GPC4: variants seen among roughly 807,000 people sequenced by gnomAD.
The protein encoded by GPC4 is glypican 4, also known as glypican-4.
GPC4 carries 10 observed loss-of-function variants against 35.0 expected under a neutral mutation model. The ratio of observed to expected loss-of-function variants is 0.29; its 90% CI spans 0.18 to 0.48. The LOEUF (loss-of-function observed/expected upper bound fraction) is 0.48, where lower values mean the gene tolerates loss of function less well. Among genes scored for constraint, GPC4 ranks in the 20% least tolerant of loss-of-function variants. GPC4 has a pLI of 0.99. For synonymous variants in GPC4, 167 were observed against 170.2 expected (o/e 0.98, Z 0.15); for missense variants, 322 against 451.3 (o/e 0.71, Z 2.60).
intron 1 of GPC4, among the ~76,000 whole-genome samples, chrX:133,392,576 G>A (rs1263218190): frequency 9.4e-6 from 1 of 106,192 alleles, no homozygotes; most frequent in East Asian, 2.9e-4. Flanking sequence ...AGCCTTTTAA[G>A]GTAAAGAAAG....
intron 3 of GPC4, 138 bp from the exon 4 acceptor site, chrX:133,311,561 C>A: frequency 1.7e-6 from 1 of 584,841 alleles, no homozygotes; most frequent in East Asian, 3.5e-5. Context: ...TAAGCCTGGA[C>A]TGCCTCCTGA....
intron 1 of GPC4, among the ~76,000 whole-genome samples, chrX:133,369,302 T>C (rs1267510575): frequency 1.8e-5 from 2 of 111,541 alleles, no homozygotes; most frequent in East Asian, 2.8e-4. Context: ...TGTGGGGCTT[T>C]TGACCCTAGT....
chrX:133,399,194 A>G lies in GPC4; in HGVS notation c.160+15612T>C, dbSNP rs144960183. ...AAATGACAGTATTTCTGTGGTCTCTATGAAAATGAGAGCGGACTCAGACCT... is the reference window on the plus strand; with the variant it reads ...AAATGACAGTATTTCTGTGGTCTCTGTGAAAATGAGAGCGGACTCAGACCT... On this transcript the variant is annotated intron_variant, in intron 1 of 8. Coordinates refer to ENST00000370828, the MANE Select transcript of GPC4 (RefSeq NM_001448.3). Among the ~76,000 whole-genome samples, 611 of 112,340 alleles carry G rather than the reference A, an allele frequency of 5.4e-3. 4 individuals are homozygous for G. The highest frequency in any genetic ancestry group is 0.019 in the African/African-American group (580 of 30,951).
intron 1 of GPC4, among the ~76,000 whole-genome samples, chrX:133,341,789 C>A (rs1175423471): frequency 9.0e-6 from 1 of 110,748 alleles, no homozygotes; most frequent in Admixed American, 9.7e-5. Context: ...TAGATGTTGA[C>A]AGGTTTAAAC....
At chrX:133,308,664 C>T (rs1343281575) in intron 4 of GPC4, among the ~76,000 whole-genome samples, 3 of 111,157 alleles carry the variant, frequency 2.7e-5, no homozygotes, top group Non-Finnish European at 3.8e-5. Flanking sequence ...AACAAGAAGA[C>T]GGATTTGGAA....
intron 3 of GPC4, among the ~76,000 whole-genome samples, chrX:133,321,205 G>A (rs2068363261): frequency 8.9e-6 from 1 of 112,118 alleles, no homozygotes; most frequent in African/African-American, 3.2e-5. Context: ...ATGCAACACA[G>A]GGAAGGCACA....
intron 2 of GPC4, among the ~76,000 whole-genome samples, chrX:133,325,275 AGT>A (rs1321357163): frequency 1.8e-5 from 2 of 108,742 alleles, no homozygotes; most frequent in Non-Finnish European, 3.8e-5. Flanking sequence ...TGTGTGTGTG[AGT>A]GTGTGTGTGT....
At chrX:133,411,111 G>A (rs941013098) in intron 1 of GPC4, among the ~76,000 whole-genome samples, 1 of 112,291 alleles carries the variant, frequency 8.9e-6, no homozygotes, top group Non-Finnish European at 1.9e-5. Flanking sequence ...TTTTTTCCAC[G>A]TAGTCATAAC....
At chrX:133,354,864 G>A (rs1385961959) in intron 1 of GPC4, among the ~76,000 whole-genome samples, 3 of 111,874 alleles carry the variant, frequency 2.7e-5, no homozygotes, top group South Asian at 3.7e-4. Flanking sequence ...CACCGCGCCC[G>A]GCCATGTTTT....
chrX:133,377,181 G>C (rs187727188), intron 1 of GPC4, among the ~76,000 whole-genome samples: 1 of 111,973 alleles, frequency 8.9e-6, no homozygotes, highest in African/African-American at 3.2e-5. Flanking sequence ...CTACACCAGG[G>C]CTCTGCCAAC....
Position 133,415,390 on chromosome X carries a change from G to T in GPC4, c.-425C>A. The T allele has an allele frequency of 7.2e-6, 1 of 139,249 alleles. No homozygotes were observed. The highest frequency in any genetic ancestry group is 1.4e-5 in the Non-Finnish European group (1 of 71,912). The allele number at this position is 139,249 out of a possible 1,213,427, so 11.5% of individuals were successfully genotyped here. A position where few individuals can be genotyped will look rare whatever the true frequency, so the allele number is the denominator to read the frequency against. On this transcript the variant is annotated 5_prime_UTR_variant, in exon 1 of 9. Coordinates refer to ENST00000370828, the MANE Select transcript of GPC4 (RefSeq NM_001448.3). ...CGGGCGTTCGCTGCGCGCTGCTTGGGCTGCCCTGCGCTGGTCCGCTCGTCC... is the reference window on the plus strand; with the variant it reads ...CGGGCGTTCGCTGCGCGCTGCTTGGTCTGCCCTGCGCTGGTCCGCTCGTCC...
chrX:133,399,313 T>C (rs2068758456), intron 1 of GPC4, among the ~76,000 whole-genome samples: 1 of 110,605 alleles, frequency 9.0e-6, no homozygotes, highest in African/African-American at 3.3e-5. Context: ...GACACAAGCG[T>C]TAACTTTGCA....
rs183255984 is a variant in GPC4 at position 133,322,401 on chromosome X, G to A, written c.711+1744C>T. On this transcript the variant is annotated intron_variant, in intron 3 of 8. Coordinates refer to ENST00000370828, the MANE Select transcript of GPC4 (RefSeq NM_001448.3). Reference sequence around the variant, plus strand: ...GGAGGTTGCGGTGAGCAGAGATCTCGCCACTGCACTCAAGCCTGGGTGACA... The same window carrying A: ...GGAGGTTGCGGTGAGCAGAGATCTCACCACTGCACTCAAGCCTGGGTGACA... Among the ~76,000 whole-genome samples, 28 of 103,614 alleles carry A rather than the reference G, an allele frequency of 2.7e-4. No individual in the cohort carries two copies. In the East Asian group the frequency reaches 7.0e-3, roughly 26 times the overall value. The allele number at this position is 103,614 out of a possible 115,157, so 90.0% of individuals were successfully genotyped here.
At chrX:133,332,422 CAG>C (rs2068424640) in intron 2 of GPC4, among the ~76,000 whole-genome samples, 1 of 110,298 alleles carries the variant, frequency 9.1e-6, no homozygotes, top group South Asian at 3.9e-4. Flanking sequence ...TTTTTCGAGA[CAG>C]AGTCTTGCTC....
chrX:133,337,677 A>G (rs2068450152), intron 2 of GPC4, among the ~76,000 whole-genome samples: 1 of 111,378 alleles, frequency 9.0e-6, no homozygotes, highest in African/African-American at 3.3e-5. Flanking sequence ...TTTCTCCCCA[A>G]AGTAAAAGAA....
intron 1 of GPC4, among the ~76,000 whole-genome samples, chrX:133,383,177 A>C (rs907026640): frequency 2.7e-5 from 3 of 112,130 alleles, no homozygotes; most frequent in African/African-American, 9.7e-5. Flanking sequence ...CAGTAGGTGA[A>C]TCTGTGGTTC....
intron 1 of GPC4, among the ~76,000 whole-genome samples, chrX:133,381,902 G>A (rs1463893692): frequency 9.0e-6 from 1 of 111,707 alleles, no homozygotes; most frequent in Admixed American, 9.5e-5. Flanking sequence ...GGGTTAAATG[G>A]CACATTTAGT....
At position 133,303,292 on chromosome X, in the gene GPC4, G is replaced by A. The variant is rs1160335744; in HGVS notation, c.1342C>T (p.Pro448Ser). 1 of 1,210,812 alleles carries A rather than the reference G, an allele frequency of 8.3e-7. No homozygotes were observed. Among genetic ancestry groups the A allele is most frequent in the Non-Finnish European group, 1.1e-6 (1 of 894,859 alleles). Residue 448 changes from proline to serine, a missense_variant, in exon 8 of 9, where the codon CCA becomes TCA. By Grantham distance (74) the Pro-to-Ser change is moderately conservative. Around this residue, in one of 3 missense-constraint regions of GPC4, gnomAD observed 99 missense variants for 110.0 expected, o/e 0.90. Coordinates refer to ENST00000370828, the MANE Select transcript of GPC4 (RefSeq NM_001448.3). ...TTGCTGGTGTCAACCTGGACCTCTG[G>A]GTTGTTGCCCTGGTTGGCTAATCCA... is the stretch of plus-strand genomic sequence containing the variant. ...GNGLANQGNNPEVQVDTSKPD... is the reference protein window; with the variant it reads ...GNGLANQGNNSEVQVDTSKPD...
intron 1 of GPC4, among the ~76,000 whole-genome samples, chrX:133,350,233 T>A (rs1168545482): frequency 1.8e-5 from 2 of 111,261 alleles, no homozygotes; most frequent in Non-Finnish European, 3.8e-5. Context: ...TAAAGAAAAA[T>A]GATTCTGGGA....
Sources: allele counts gnomAD v4.1 joint callset (sites outside exome capture counted in the v4.1 genomes callset), GRCh38; gene constraint gnomAD v4.1.1; regional missense constraint gnomAD v4.1.1; transcripts MANE v1.5; gene names NCBI Gene and HGNC (gene_info 2026-07-23, HGNC 2026-07-21).